The following UNC13A variants were observed in gnomAD, a reference collection of about 807,000 sequenced individuals.
The protein encoded by UNC13A is protein unc-13 homolog A.
Under a neutral mutation model 219.7 loss-of-function variants are expected in UNC13A, and 61 were observed. The ratio of observed to expected loss-of-function variants is 0.28; its 90% CI spans 0.23 to 0.34. The LOEUF (loss-of-function observed/expected upper bound fraction) is 0.34, where lower values mean the gene tolerates loss of function less well. Among genes scored for constraint, UNC13A ranks in the 10% least tolerant of loss-of-function variants. UNC13A has a pLI of 1.00. For synonymous variants in UNC13A, 920 were observed against 884.6 expected (o/e 1.04, Z -0.71); for missense variants, 1,476 against 2,270.3 (o/e 0.65, Z 7.11).
At chr19:17,626,568 C>T in intron 34 of UNC13A, 65 bp downstream of exon 34, 2 of 1,452,076 alleles carry the variant, frequency 1.4e-6, no homozygotes, top group Non-Finnish European at 9.1e-7. Flanking sequence ...CCAGCCAGTC[C>T]CTGGGTCTCT....
At chr19:17,610,631 G>A (rs1432694825) in intron 42 of UNC13A, among the ~76,000 whole-genome samples, 1 of 152,160 alleles carries the variant, frequency 6.6e-6, no homozygotes, top group African/African-American at 2.4e-5. Flanking sequence ...CTTCTCCACT[G>A]TGGCTTAAAA....
intron 43 of UNC13A, among the ~76,000 whole-genome samples, chr19:17,608,978 G>T: frequency 7.3e-6 from 1 of 137,742 alleles, no homozygotes; most frequent in African/African-American, 2.7e-5. Context: ...TTTTTTTGAG[G>T]TGGAGTTTCG....
intron 35 of UNC13A, 47 bp from the exon 36 acceptor site, chr19:17,623,594 G>T (rs756261735): frequency 2.9e-6 from 3 of 1,039,040 alleles, no homozygotes; most frequent in East Asian, 3.0e-5. Context: ...GGGGAATAAG[G>T]TACCATGAGT....
chr19:17,669,482 C>G (rs2079735716), intron 5 of UNC13A, 71 bp downstream of exon 5: 2 of 1,574,196 alleles, frequency 1.3e-6, no homozygotes, highest in African/African-American at 2.7e-5. Flanking sequence ...CCTGTTCACT[C>G]TCCTGGAATA....
At chr19:17,670,999 C>T (rs2079777837) in intron 4 of UNC13A, among the ~76,000 whole-genome samples, 1 of 151,416 alleles carries the variant, frequency 6.6e-6, no homozygotes, top group South Asian at 2.1e-4. Context: ...GTCCCCAGTC[C>T]CTCCTCTATG....
At chr19:17,641,095 T>C (rs1599365657) in intron 21 of UNC13A, among the ~76,000 whole-genome samples, 1 of 151,958 alleles carries the variant, frequency 6.6e-6, no homozygotes, top group Non-Finnish European at 1.5e-5. Flanking sequence ...GCCAGGCTGG[T>C]CTTGTACTCC....
At position 17,636,168 on chromosome 19, in the gene UNC13A, C is replaced by T. The variant is rs1351589887; in HGVS notation, c.3082-11G>A. ...TTCCCCCTTCTTGGCCTGAAATGGA[C>T]AGTGGAGACCTCGGTTATAGGGGGT... is the stretch of plus-strand genomic sequence containing the variant. On this transcript the variant is annotated splice_polypyrimidine_tract_variant and intron_variant, in intron 25 of 43. Transcript: ENST00000519716. 2.5e-6 allele frequency: 4 copies of T among 1,587,522 alleles called. No homozygotes were observed. The highest frequency in any genetic ancestry group is 3.4e-6 in the Non-Finnish European group (4 of 1,165,630).
At position 17,688,344 on chromosome 19, in the gene UNC13A, G is replaced by A; in HGVS notation, c.-145C>T. The A allele has an allele frequency of 3.9e-6, 5 of 1,294,364 alleles. No individual in the cohort carries two copies. The highest frequency in any genetic ancestry group is 4.9e-6 in the Non-Finnish European group (5 of 1,019,654). The allele number at this position is 1,294,364 out of a possible 1,614,324, so 80.2% of individuals were successfully genotyped here. On this transcript the variant is annotated 5_prime_UTR_variant, in exon 1 of 44. Coordinates refer to ENST00000519716, the MANE Select transcript of UNC13A (RefSeq NM_001080421.3). ...GGCCGCCACCGGCCATCTTGGTTCA[G>A]CACCGGGGGCGCGGACAGCGCCTGA...
chr19:17,674,569 T>C lies in UNC13A; in HGVS notation c.152+88A>G. ...GAGGACAGAGGGGAGTCACCCGGGA[T>C]TCCCCAGTGTCCAGCTCTGCCCTGA... On this transcript the variant is annotated intron_variant, in intron 3 of 43. Coordinates refer to ENST00000519716, the MANE Select transcript of UNC13A (RefSeq NM_001080421.3). The surrounding 1 kb of genome is among the most constrained non-coding windows in gnomAD (Gnocchi z 5.0). The C allele has an allele frequency of 8.5e-7, 1 of 1,173,916 alleles. No individual in the cohort carries two copies. Among genetic ancestry groups the C allele is most frequent in the South Asian group, 1.3e-5 (1 of 79,688 alleles). 72.7% of individuals were successfully genotyped at this position (1,173,916 alleles called of 1,614,324 possible). A position where few individuals can be genotyped will look rare whatever the true frequency, so the allele number is the denominator to read the frequency against.
intron 41 of UNC13A, chr19:17,616,337 A>T (rs1380656813): frequency 1.5e-6 from 1 of 666,920 alleles, no homozygotes; most frequent in Non-Finnish European, 2.7e-6. Flanking sequence ...TCCTTTTACT[A>T]GCCGGGGCCA....
At chr19:17,637,448 C>CCA (rs1157954364) in intron 25 of UNC13A, among the ~76,000 whole-genome samples, 1 of 152,096 alleles carries the variant, frequency 6.6e-6, no homozygotes, top group Non-Finnish European at 1.5e-5. Flanking sequence ...CAGGTGCCCG[C>CCA]CACCACGCCC....
chr19:17,647,864 G>A (rs1166225754), intron 16 of UNC13A, among the ~76,000 whole-genome samples: 3 of 113,444 alleles, frequency 2.6e-5, no homozygotes, highest in East Asian at 5.7e-4. Flanking sequence ...CCACCCCTCT[G>A]AGTCCCGCTG....
intron 9 of UNC13A, among the ~76,000 whole-genome samples, chr19:17,656,654 C>CT: frequency 6.6e-6 from 1 of 152,082 alleles, no homozygotes; most frequent in South Asian, 2.1e-4. Flanking sequence ...GAGTTCAAGA[C>CT]CAGCCTGGCC....
chr19:17,624,325 C>T (rs2076760032), intron 35 of UNC13A, among the ~76,000 whole-genome samples: 1 of 151,866 alleles, frequency 6.6e-6, no homozygotes, highest in South Asian at 2.1e-4. Context: ...CACCATGTTG[C>T]CCAGGCTGGT....
intron 12 of UNC13A, among the ~76,000 whole-genome samples, chr19:17,650,783 T>C (rs2145078326): frequency 6.6e-6 from 1 of 151,640 alleles, no homozygotes; most frequent in South Asian, 2.1e-4. Flanking sequence ...CAGCCATCTT[T>C]CGAAACAAGA....
chr19:17,612,520 C>G (rs1169566768), intron 41 of UNC13A, among the ~76,000 whole-genome samples: 1 of 152,170 alleles, frequency 6.6e-6, no homozygotes, highest in Non-Finnish European at 1.5e-5. Context: ...CTTTCATCTA[C>G]TCTCAGTATA....
At position 17,688,183 on chromosome 19, in the gene UNC13A, A is replaced by G; in HGVS notation, c.17T>C (p.Val6Ala). Residue 6 changes from valine (V) to alanine (A), a missense_variant, in exon 1 of 44, where the codon GTT becomes GCT. Val to Ala is a moderately conservative substitution (Grantham distance 64). This residue lies in a region of UNC13A where 203 missense variants were observed against 301.6 expected (regional missense o/e 0.67). Transcript: ENST00000519716. The stretch of plus-strand genomic sequence containing the variant: ...CCCCCAGCCTCGCCTCCTACCTCCA[A>G]CGCAAAGCAGAGACATGTCTCCGAG... MSLLC[V>A]GVKKAKFDGA... The G allele has an allele frequency of 1.3e-6, 2 of 1,524,702 alleles. No homozygotes were observed. Among genetic ancestry groups the G allele is most frequent in the South Asian group, 1.2e-5 (1 of 82,588 alleles). The allele number at this position is 1,524,702 out of a possible 1,614,324, so 94.4% of individuals were successfully genotyped here.
intron 20 of UNC13A, among the ~76,000 whole-genome samples, chr19:17,641,853 C>G (rs1466527978): frequency 6.6e-6 from 1 of 151,888 alleles, no homozygotes; most frequent in Non-Finnish European, 1.5e-5. Flanking sequence ...ATACAACCAA[C>G]CATCCATCCA....
rs1599338507 is a variant in UNC13A, at chr19:17,620,841, G to C, written c.4243-119C>G. The stretch of plus-strand genomic sequence containing the variant: ...TCCCAGCCCAGGAGCTCCTCCCCAG[G>C]TCCTGGGTCTAATGGTGGGCCCCCT... On this transcript the variant is annotated intron_variant, in intron 37 of 43. Transcript: ENST00000519716. 8.5e-6 allele frequency: 10 copies of C among 1,183,004 alleles called. No homozygotes were observed. In the South Asian group the frequency reaches 1.3e-4, roughly 15 times the overall value. The allele number at this position is 1,183,004 out of a possible 1,614,324, so 73.3% of individuals were successfully genotyped here. A position where few individuals can be genotyped will look rare whatever the true frequency, so the allele number is the denominator to read the frequency against.
Sources: allele counts gnomAD v4.1 joint callset (sites outside exome capture counted in the v4.1 genomes callset), GRCh38; gene constraint gnomAD v4.1.1; regional missense constraint gnomAD v4.1.1; non-coding constraint Gnocchi (gnomAD v3.1); transcripts MANE v1.5; gene names NCBI Gene and HGNC (gene_info 2026-07-23, HGNC 2026-07-21).